The following SIPA1L1 variants were observed in gnomAD, a reference collection of about 807,000 sequenced individuals.
SIPA1L1 encodes signal induced proliferation associated 1 like 1, also known as signal-induced proliferation-associated 1-like protein 1.
Under a neutral mutation model 162.7 loss-of-function variants are expected in SIPA1L1, and 26 were observed. That is an observed-to-expected ratio of 0.16 (90% CI 0.12 to 0.22). SIPA1L1 has a LOEUF of 0.22. Among genes scored for constraint, SIPA1L1 ranks in the 10% least tolerant of loss-of-function variants. The pLI, the probability that SIPA1L1 is intolerant of heterozygous loss-of-function variation, is 1.00. For synonymous variants in SIPA1L1, 829 were observed against 837.4 expected (o/e 0.99, Z 0.17); for missense variants, 1,874 against 2,241.0 (o/e 0.84, Z 3.31).
In SIPA1L1 at chr14:71,671,596, C is replaced by T; in HGVS notation, c.2733C>T (p.Asp911=). 2 of 1,614,192 alleles carry T rather than the reference C, an allele frequency of 1.2e-6. No homozygotes were observed. The highest frequency in any genetic ancestry group is 1.7e-6 in the Non-Finnish European group (2 of 1,180,030). Residue 911 remains aspartate, a synonymous_variant, in exon 11 of 24, where the codon GAC becomes GAT. Coordinates refer to ENST00000381232, the MANE Select transcript of SIPA1L1 (RefSeq NM_001386936.1). ...CRDVIGWTST[D]TSLKIFYERG... is the part of the protein sequence containing the mutation. ...ATGTGATAGGGTGGACTTCAACTGA[C>T]ACCAGCCTCAAAATCTTCTATGAAC... is the stretch of plus-strand genomic sequence containing the variant.
At chr14:71,653,313 T>G (rs923280418) in intron 8 of SIPA1L1, among the ~76,000 whole-genome samples, 1 of 152,170 alleles carries the variant, frequency 6.6e-6, no homozygotes, top group East Asian at 1.9e-4. Flanking sequence ...TTATAATTCG[T>G]TGGTAGTTGT....
At chr14:71,689,231 G>A (rs1456011482) in intron 13 of SIPA1L1, among the ~76,000 whole-genome samples, 1 of 152,152 alleles carries the variant, frequency 6.6e-6, no homozygotes, top group African/African-American at 2.4e-5. Context: ...TTTATACATA[G>A]TTAAGAGAAA....
intron 7 of SIPA1L1, among the ~76,000 whole-genome samples, chr14:71,637,896 C>G (rs971077354): frequency 1.3e-5 from 2 of 152,004 alleles, no homozygotes; most frequent in Admixed American, 1.3e-4. Flanking sequence ...GATATTACCA[C>G]CAACGCCCCC....
chr14:71,618,522 G>A (rs2039077031), intron 5 of SIPA1L1, among the ~76,000 whole-genome samples: 1 of 152,166 alleles, frequency 6.6e-6, no homozygotes, highest in South Asian at 2.1e-4. Context: ...GTAGTAATCT[G>A]TAGAGTAGTA....
intron 5 of SIPA1L1, among the ~76,000 whole-genome samples, chr14:71,605,238 C>T (rs538543325): frequency 1.3e-5 from 2 of 151,590 alleles, no homozygotes; most frequent in African/African-American, 4.8e-5. Context: ...CTGTTTGTTT[C>T]TTTTTATAAT....
intron 2 of SIPA1L1, among the ~76,000 whole-genome samples, chr14:71,364,238 T>C (rs558053895): frequency 1.2e-4 from 19 of 152,342 alleles, no homozygotes; most frequent in African/African-American, 3.4e-4. Context: ...GACGTTATTT[T>C]TGAAAGTTAG....
At chr14:71,439,231 C>T (rs946337600) in intron 2 of SIPA1L1, among the ~76,000 whole-genome samples, 1 of 152,108 alleles carries the variant, frequency 6.6e-6, no homozygotes, top group African/African-American at 2.4e-5. Context: ...TCTTTTTATA[C>T]TGTTAAGAAA....
chr14:71,739,323 C>A lies in SIPA1L1; in HGVS notation c.*162C>A. The A allele has an allele frequency of 2.1e-6, 1 of 466,224 alleles. No individual in the cohort carries two copies. Among genetic ancestry groups the A allele is most frequent in the East Asian group, 3.5e-5 (1 of 28,678 alleles). 28.9% of individuals were successfully genotyped at this position (466,224 alleles called of 1,614,324 possible). ...AACACAATAGTTGCAGATCAACAAT[C>A]ATCACCTGCCTTTTGTAGAAAAGAA... is the stretch of plus-strand genomic sequence containing the variant. On this transcript the variant is annotated 3_prime_UTR_variant, in exon 24 of 24. Transcript: ENST00000381232.
At position 71,739,281 on chromosome 14, in the gene SIPA1L1, C is replaced by G; in HGVS notation, c.*120C>G. On this transcript the variant is annotated 3_prime_UTR_variant, in exon 24 of 24. Transcript: ENST00000381232. ...CCTTCCCTGGCTTCCTACTCTGCCC[C>G]CTTTCGGGGAGTGCACAACACAATA... 1 of 934,324 alleles carries G rather than the reference C, an allele frequency of 1.1e-6. No individual in the cohort carries two copies. The highest frequency in any genetic ancestry group is 2.9e-5 in the South Asian group (1 of 34,282). 57.9% of individuals were successfully genotyped at this position (934,324 alleles called of 1,614,324 possible).
At chr14:71,428,555 G>T (rs2043753227) in intron 2 of SIPA1L1, among the ~76,000 whole-genome samples, 2 of 151,990 alleles carry the variant, frequency 1.3e-5, no homozygotes, top group African/African-American at 2.4e-5. Flanking sequence ...CTTTTGAATG[G>T]CCTAGTCTTT....
intron 2 of SIPA1L1, among the ~76,000 whole-genome samples, chr14:71,351,173 G>A (rs951702594): frequency 3.3e-5 from 5 of 152,184 alleles, no homozygotes; most frequent in Admixed American, 6.5e-5. Flanking sequence ...TGCAAGTACA[G>A]TATAATTACA....
At chr14:71,675,577 A>T (rs191623002) in intron 12 of SIPA1L1, among the ~76,000 whole-genome samples, 95 of 152,366 alleles carry the variant, frequency 6.2e-4, no homozygotes, top group Non-Finnish European at 1.1e-3. Flanking sequence ...TTTTCAACAA[A>T]ATAGAATAAT....
chr14:71,705,274 G>C lies in SIPA1L1; in HGVS notation c.3699G>C (p.Glu1233Asp). 1 of 1,614,202 alleles carries C rather than the reference G, an allele frequency of 6.2e-7. No homozygotes were observed. Among genetic ancestry groups the C allele is most frequent in the Middle Eastern group, 1.6e-4 (1 of 6,062 alleles). ...AVSKVLPAFRESPSGRLMRQD... is the reference protein window; with the variant it reads ...AVSKVLPAFRDSPSGRLMRQD... ...CAAAGGTACTGCCAGCTTTCCGAGA[G>C]AGCCCCAGTGGGAGATTAATGCGGC... is the stretch of plus-strand genomic sequence containing the variant. The change falls in exon 16 of 24, where the codon GAG becomes GAC. Residue 1233 changes from glutamate (E) to aspartate (D), a missense_variant. By Grantham distance (45) the Glu-to-Asp change is conservative. This residue lies in a region of SIPA1L1 where 936 missense variants were observed against 1,051.9 expected (regional missense o/e 0.89). Transcript: ENST00000381232.
intron 2 of SIPA1L1, among the ~76,000 whole-genome samples, chr14:71,404,585 G>A (rs1390033038): frequency 1.3e-5 from 2 of 152,162 alleles, no homozygotes; most frequent in Non-Finnish European, 2.9e-5. Context: ...TTTATTAAAG[G>A]ACAAGGTGTT....
intron 5 of SIPA1L1, among the ~76,000 whole-genome samples, chr14:71,592,496 C>T (rs1314696702): frequency 6.6e-6 from 1 of 152,228 alleles, no homozygotes; most frequent in East Asian, 1.9e-4. Context: ...AGGAGTACAT[C>T]AGTGTCAGAT....
At chr14:71,573,679 C>A (rs767104170) in intron 4 of SIPA1L1, 1 of 456,724 alleles carries the variant, frequency 2.2e-6, no homozygotes, top group South Asian at 1.5e-5. Flanking sequence ...CAGAGCTCAA[C>A]AACATGAATA....
chr14:71,619,754 C>T (rs1671418658), intron 6 of SIPA1L1, among the ~76,000 whole-genome samples: 1 of 152,094 alleles, frequency 6.6e-6, no homozygotes, highest in African/African-American at 2.4e-5. Context: ...CATTTGGCTT[C>T]ATTTCCCCCA....
At chr14:71,339,647 A>C (rs763225029) in intron 2 of SIPA1L1, among the ~76,000 whole-genome samples, 2 of 152,202 alleles carry the variant, frequency 1.3e-5, no homozygotes, top group Non-Finnish European at 2.9e-5. Context: ...TATAGGCGTG[A>C]GCCACCGTGC....
At chr14:71,524,108 C>T (rs2052623817) in intron 3 of SIPA1L1, among the ~76,000 whole-genome samples, 1 of 149,962 alleles carries the variant, frequency 6.7e-6, no homozygotes, top group Non-Finnish European at 1.5e-5. Context: ...TGTATGTATA[C>T]ACATATCTAC....
Sources: gnomAD v4.1 joint callset for allele counts (sites outside exome capture counted in the v4.1 genomes callset) on GRCh38, gnomAD v4.1.1 for gene constraint, gnomAD v4.1.1 regional missense constraint, MANE v1.5 for transcripts, NCBI Gene and HGNC (gene_info 2026-07-23, HGNC 2026-07-21) for gene names.